The following TUBG2 variants were observed in gnomAD, a reference collection of about 807,000 sequenced individuals.
TUBG2 encodes the protein tubulin gamma 2, also known as tubulin gamma-2 chain.
TUBG2 carries 39 observed loss-of-function variants against 55.1 expected under a neutral mutation model. The observed-to-expected ratio is 0.71, with a 90% CI of 0.55 to 0.93. The LOEUF (loss-of-function observed/expected upper bound fraction) is 0.93, where lower values mean the gene tolerates loss of function less well. Among genes scored for constraint, TUBG2 ranks in the 40% least tolerant of loss-of-function variants. The pLI, the probability that TUBG2 is intolerant of heterozygous loss-of-function variation, is 0.00. For synonymous variants in TUBG2, 223 were observed against 241.0 expected (o/e 0.93, Z 0.69); for missense variants, 358 against 599.1 (o/e 0.60, Z 4.20).
chr17:42,662,982 C>A lies in TUBG2; in HGVS notation c.409C>A (p.Leu137Met). The A allele has an allele frequency of 6.2e-7, 1 of 1,614,044 alleles. No homozygotes were observed. Among genetic ancestry groups the A allele is most frequent in the Non-Finnish European group, 8.5e-7 (1 of 1,179,976 alleles). Residue 137 changes from leucine (L) to methionine (M), a missense_variant, in exon 5 of 11, where the codon CTG becomes ATG. Transcript: ENST00000251412. ...TCCTGTATACACACAGGGCTTCGTG[C>A]TGTGTCACTCCATCGCTGGGGGTAC... ...DGSDSLEGFV[L>M]CHSIAGGTGS...
intron 6 of TUBG2, among the ~76,000 whole-genome samples, chr17:42,664,573 C>T (rs1390974551): frequency 6.6e-6 from 1 of 152,040 alleles, no homozygotes; most frequent in Non-Finnish European, 1.5e-5. Context: ...TTAGCAAAAC[C>T]CTTCCTGACT....
In TUBG2 at chr17:42,666,729, C is replaced by G; in HGVS notation, c.1285C>G (p.Gln429Glu). The G allele has an allele frequency of 6.2e-7, 1 of 1,614,152 alleles. No homozygotes were observed. The highest frequency in any genetic ancestry group is 8.5e-7 in the Non-Finnish European group (1 of 1,180,028). The change falls in exon 11 of 11, where the codon CAG (glutamine) becomes GAG (glutamate). Residue 429 changes from glutamine to glutamate, a missense_variant. Around this residue, in one of 8 missense-constraint regions of TUBG2, gnomAD observed 54 missense variants for 50.2 expected, o/e 1.08. Coordinates refer to ENST00000251412, the MANE Select transcript of TUBG2 (RefSeq NM_016437.3). ...DEMDRSREVVQELIDEYHAAT... is the reference protein window; with the variant it reads ...DEMDRSREVVEELIDEYHAAT... The stretch of plus-strand genomic sequence containing the variant: ...GATGGACAGGTCTAGGGAGGTTGTT[C>G]AGGAGCTCATTGATGAGTACCATGC...
chr17:42,666,355 G>C lies in TUBG2; in HGVS notation c.1029G>C (p.Arg343=), dbSNP rs524020. 4.3e-5 allele frequency: 69 copies of C among 1,614,202 alleles called. No individual in the cohort carries two copies. In the East Asian group the frequency reaches 1.1e-3, roughly 26 times the overall value. ...AGAGCCTGCAGAGGATCCGGGAACG[G>C]AAGTTGGCCAACTTCATCCCGTGGG... ...VHKSLQRIRE[R]KLANFIPWGP... is the part of the protein sequence containing the mutation. The change falls in exon 10 of 11, where the codon CGG becomes CGC. Residue 343 remains arginine, a synonymous_variant. Transcript: ENST00000251412.
intron 1 of TUBG2, 128 bp from the exon 2 acceptor site, chr17:42,659,706 G>C: frequency 7.2e-7 from 1 of 1,398,186 alleles, no homozygotes; most frequent in Non-Finnish European, 9.7e-7. Flanking sequence ...CTCCAGCCCG[G>C]GGCTGGGGCA....
chr17:42,663,950 A>AAG (rs1367284457), intron 6 of TUBG2, among the ~76,000 whole-genome samples: 1 of 150,806 alleles, frequency 6.6e-6, no homozygotes, highest in East Asian at 2.0e-4. Flanking sequence ...CTCAAAAAAA[A>AAG]AAAAAAATTA....
At chr17:42,665,588 T>G in intron 7 of TUBG2, 26 bp downstream of exon 7, 1 of 1,614,150 alleles carries the variant, frequency 6.2e-7, no homozygotes, top group Non-Finnish European at 8.5e-7. Flanking sequence ...CGGACTCCTT[T>G]GGACTGGAAG....
At chr17:42,660,754 T>A (rs777512206) in intron 4 of TUBG2, 47 bp downstream of exon 4, 1 of 1,579,380 alleles carries the variant, frequency 6.3e-7, no homozygotes, top group Admixed American at 1.7e-5. Flanking sequence ...GGCCGAAGAG[T>A]GCTGGGGACA....
At chr17:42,665,343 G>A (rs947173602) in intron 6 of TUBG2, 133 bp from the exon 7 acceptor site, 25 of 1,377,168 alleles carry the variant, frequency 1.8e-5, no homozygotes, top group African/African-American at 4.0e-5. Context: ...CACCGCGCCC[G>A]GCCTCAGTAC....
Position 42,662,976 on chromosome 17 carries a change from T to C in TUBG2, c.403T>C (p.Phe135Leu). The C allele has an allele frequency of 6.2e-7, 1 of 1,614,058 alleles. No individual in the cohort carries two copies. Among genetic ancestry groups the C allele is most frequent in the Non-Finnish European group, 8.5e-7 (1 of 1,179,942 alleles). The change falls in exon 5 of 11, where the codon TTC becomes CTC. Residue 135 changes from phenylalanine to leucine, a missense_variant. Phe to Leu is a conservative substitution (Grantham distance 22). Around this residue, in one of 8 missense-constraint regions of TUBG2, gnomAD observed 30 missense variants for 52.8 expected, o/e 0.57. Coordinates refer to ENST00000251412, the MANE Select transcript of TUBG2 (RefSeq NM_016437.3). ...EADGSDSLEG[F>L]VLCHSIAGGT... The stretch of plus-strand genomic sequence containing the variant: ...GTTTATTCCTGTATACACACAGGGC[T>C]TCGTGCTGTGTCACTCCATCGCTGG...
chr17:42,661,066 C>A (rs751491188), intron 4 of TUBG2: 2 of 246,034 alleles, frequency 8.1e-6, no homozygotes, highest in Non-Finnish European at 8.2e-6. Context: ...ACTGCCTCTC[C>A]ATCTCTCCCC....
chr17:42,665,541 C>G lies in TUBG2; in HGVS notation c.672C>G (p.Ser224=), dbSNP rs2052508489. The G allele has an allele frequency of 6.2e-7, 1 of 1,614,170 alleles. No individual in the cohort carries two copies. The highest frequency in any genetic ancestry group is 8.5e-7 in the Non-Finnish European group (1 of 1,180,020). Residue 224 remains serine (S), a synonymous_variant, in exon 7 of 11, where the codon TCC becomes TCG. Transcript: ENST00000251412. ...ATDRLHIQNP[S]FSQINQLVST... is the part of the protein sequence containing the mutation. ...ACCGCCTGCACATCCAGAACCCGTC[C>G]TTCTCCCAGATCAACCAGCTGGTGG...
chr17:42,666,136 T>C lies in TUBG2; in HGVS notation c.893T>C (p.Leu298Pro). 6.2e-7 allele frequency: 1 copy of C among 1,614,012 alleles called. No individual in the cohort carries two copies. The highest frequency in any genetic ancestry group is 1.1e-5 in the South Asian group (1 of 91,082). The stretch of plus-strand genomic sequence containing the variant: ...GTCCTGGATGTCATGAGGCGGCTGC[T>C]GCAGCCCAAGAACGTGATGGTGTCC... ...TTVLDVMRRL[L>P]QPKNVMVSTG... The change falls in exon 9 of 11, where the codon CTG becomes CCG. Residue 298 changes from leucine to proline, a missense_variant. Transcript: ENST00000251412.
Position 42,665,512 on chromosome 17 carries a change from A to G in TUBG2, c.643A>G (p.Thr215Ala), listed in dbSNP as rs2052507093. The change falls in exon 7 of 11, where the codon ACA (threonine) becomes GCA (alanine). Residue 215 changes from threonine to alanine, a missense_variant. Thr to Ala is a moderately conservative substitution (Grantham distance 58, BLOSUM62 0). Coordinates refer to ENST00000251412, the MANE Select transcript of TUBG2 (RefSeq NM_016437.3). ...LDNTALNRIA[T>A]DRLHIQNPSF... ...CAACACAGCCCTGAACCGGATTGCC[A>G]CAGACCGCCTGCACATCCAGAACCC... The G allele has an allele frequency of 6.2e-7, 1 of 1,613,856 alleles. No individual in the cohort carries two copies. The highest frequency in any genetic ancestry group is 1.3e-5 in the African/African-American group (1 of 74,832).
rs935583562 is a variant in TUBG2, at chr17:42,666,893, C to A, written c.*93C>A. ...GACCCAGCTTCACCTCATGGACAACCCTTCTTGGTTCATCTCCAGCCCGTG... is the reference window on the plus strand; with the variant it reads ...GACCCAGCTTCACCTCATGGACAACACTTCTTGGTTCATCTCCAGCCCGTG... On this transcript the variant is annotated 3_prime_UTR_variant, in exon 11 of 11. Transcript: ENST00000251412. 1.4e-6 allele frequency: 2 copies of A among 1,398,836 alleles called. No individual in the cohort carries two copies. The highest frequency in any genetic ancestry group is 9.9e-7 in the Non-Finnish European group (1 of 1,009,630). The allele number at this position is 1,398,836 out of a possible 1,614,324, so 86.7% of individuals were successfully genotyped here.
rs1179582365 is a variant in TUBG2 at position 42,663,072 on chromosome 17, G to GAGGGC, written c.479+22_479+26dup. The GAGGGC allele has an allele frequency of 1.2e-5, 20 of 1,612,128 alleles. No individual in the cohort carries two copies. Among genetic ancestry groups the GAGGGC allele is most frequent in the Non-Finnish European group, 1.7e-5 (20 of 1,178,708 alleles). On this transcript the variant is annotated intron_variant, in intron 5 of 10. Transcript: ENST00000251412. ...TGACAGGCAAGCCTGTGTTTGGGGAGAGGGCATTAACCCTGGTTCCCTGAG... is the reference window on the plus strand; with the variant it reads ...TGACAGGCAAGCCTGTGTTTGGGGAGAGGGCAGGGCATTAACCCTGGTTCCCTGAG...
At chr17:42,665,587 T>C (rs1468075586) in intron 7 of TUBG2, 25 bp downstream of exon 7, 1 of 1,614,114 alleles carries the variant, frequency 6.2e-7, no homozygotes, top group East Asian at 2.2e-5. Context: ...CCGGACTCCT[T>C]TGGACTGGAA....
rs756272073 is a variant in TUBG2 at position 42,666,362 on chromosome 17, G to A, written c.1036G>A (p.Ala346Thr). The change falls in exon 10 of 11, where the codon GCC becomes ACC. Residue 346 changes from alanine (A) to threonine (T), a missense_variant. This residue lies in a region of TUBG2 where 129 missense variants were observed against 251.6 expected (regional missense o/e 0.51). Transcript: ENST00000251412. ...SLQRIRERKL[A>T]NFIPWGPASI... ...GCAGAGGATCCGGGAACGGAAGTTG[G>A]CCAACTTCATCCCGTGGGGCCCCGC... is the stretch of plus-strand genomic sequence containing the variant. 4 of 1,614,232 alleles carry A rather than the reference G, an allele frequency of 2.5e-6. No homozygotes were observed. Among genetic ancestry groups the A allele is most frequent in the Non-Finnish European group, 3.4e-6 (4 of 1,180,044 alleles).
rs944136951 is a variant in TUBG2 at position 42,665,230 on chromosome 17, G to A, written c.607-246G>A. 9.9e-5 allele frequency among the ~76,000 whole-genome samples: 15 copies of A among 151,992 alleles called. 1 individual carries two copies. In the South Asian group the frequency reaches 2.9e-3, roughly 30 times the overall value. On this transcript the variant is annotated intron_variant, in intron 6 of 10. Transcript: ENST00000251412. ...GCCTGGCTAATTTTTTGTATTTTTA[G>A]TAGAGACGGGGTTTCACCGTGTTAG...
rs764458297 is a variant in TUBG2 at position 42,666,818 on chromosome 17, CCTT to C, written c.*21_*23del. 38 of 1,613,568 alleles carry C rather than the reference CCTT, an allele frequency of 2.4e-5. No homozygotes were observed. Among genetic ancestry groups the C allele is most frequent in the Admixed American group, 6.7e-5 (4 of 59,990 alleles). Reference sequence around the variant, plus strand: ...AGCAGTGATTTCCCTCCCCACTACTCCTTCTCCTTCTAGATGGTAACCACAGCC... The same window carrying C: ...AGCAGTGATTTCCCTCCCCACTACTCCTCCTTCTAGATGGTAACCACAGCC... On this transcript the variant is annotated 3_prime_UTR_variant, in exon 11 of 11. Transcript: ENST00000251412.
Sources: allele counts gnomAD v4.1 joint callset (sites outside exome capture counted in the v4.1 genomes callset), GRCh38; gene constraint gnomAD v4.1.1; regional missense constraint gnomAD v4.1.1; transcripts MANE v1.5; gene names NCBI Gene and HGNC (gene_info 2026-07-23, HGNC 2026-07-21).